GLB1: variants seen among roughly 807,000 people sequenced by gnomAD.
GLB1 encodes the protein beta-galactosidase.
A neutral mutation model predicts 74.0 loss-of-function variants in GLB1; 56 were observed. The observed-to-expected ratio is 0.76, with a 90% CI of 0.61 to 0.94. GLB1 has a LOEUF of 0.94. Ranked by LOEUF, GLB1 falls within the 40% of genes least tolerant of loss-of-function variation. GLB1 has a pLI of 0.00. For synonymous variants in GLB1, 323 were observed against 323.6 expected, an observed-to-expected ratio of 1.00 and a Z score of 0.02; for missense variants, 787 against 845.5, an observed-to-expected ratio of 0.93 and a Z score of 0.86.
chr3:33,029,108 T>C (rs1383795704), intron 10 of GLB1, among the ~76,000 whole-genome samples: 1 of 152,254 alleles, frequency 6.6e-6, no homozygotes, highest in African/African-American at 2.4e-5. Flanking sequence ...TTTTCATTGA[T>C]ACTAGTTTGA....
chr3:32,961,595 T>C, the GLB1 span, among the ~76,000 whole-genome samples: 2 of 152,156 alleles, frequency 1.3e-5, no homozygotes, highest in Non-Finnish European at 2.9e-5. Flanking sequence ...ACAGCTAGCC[T>C]GGAAAACTGC....
downstream of GLB1, among the ~76,000 whole-genome samples, chr3:32,995,433 G>A (rs1255546176): frequency 6.6e-6 from 1 of 152,080 alleles, no homozygotes; most frequent in Admixed American, 6.6e-5. Flanking sequence ...CCTTCGCCCT[G>A]TGATCTGCCC....
intron 10 of GLB1, among the ~76,000 whole-genome samples, chr3:33,029,152 G>C (rs1402311005): frequency 6.6e-6 from 1 of 151,978 alleles, no homozygotes; most frequent in East Asian, 1.9e-4. Flanking sequence ...CTTTACCTTA[G>C]CTAATTAATG....
the GLB1 span, among the ~76,000 whole-genome samples, chr3:32,969,273 A>G: frequency 0.4 from 61,376 of 152,102 alleles, 13,317 homozygotes; most frequent in East Asian, 0.52. Context: ...TCTGGCTAGC[A>G]AAAGGCCAAA....
At chr3:33,013,954 C>T (rs1486666566) in intron 15 of GLB1, 102 bp downstream of exon 15, 4 of 1,589,238 alleles carry the variant, frequency 2.5e-6, no homozygotes, top group Non-Finnish European at 3.4e-6. Flanking sequence ...CACTCAAAAC[C>T]ATCACACGAT....
chr3:33,019,692 T>C (rs1697390640), intron 12 of GLB1, among the ~76,000 whole-genome samples: 1 of 152,158 alleles, frequency 6.6e-6, no homozygotes, highest in Admixed American at 6.5e-5. Context: ...GGTTCATTTA[T>C]TTACTTATTT....
intron 6 of GLB1, among the ~76,000 whole-genome samples, chr3:33,057,020 G>A (rs1024633697): frequency 2.6e-5 from 4 of 152,120 alleles, no homozygotes; most frequent in Admixed American, 6.6e-5. Flanking sequence ...ATCTCATGTC[G>A]AACTATAATC....
At chr3:33,092,828 G>A (rs1220323010) in intron 1 of GLB1, 3 of 1,590,408 alleles carry the variant, frequency 1.9e-6, no homozygotes, top group Non-Finnish European at 2.6e-6. Flanking sequence ...ACAGGGCAGG[G>A]CCAGTTCAGG....
rs1347724737 is a variant in GLB1, at chr3:33,072,620, A to G, written c.169T>C (p.Tyr57His). Reference protein sequence around the residue: ...PFRYISGSIHYSRVPRFYWKD... With the variant: ...PFRYISGSIHHSRVPRFYWKD... ...CAGTAGAAGCGGGGCACACGGGAGT[A>G]GTGAATGCTTCCTGAGATGTAGCGA... is the stretch of plus-strand genomic sequence containing the variant. The change falls in exon 2 of 16, where the codon TAC (tyrosine) becomes CAC (histidine). Residue 57 changes from tyrosine (Y) to histidine (H), a missense_variant. By Grantham distance (83) the Tyr-to-His change is moderately conservative. Coordinates refer to ENST00000307363, the MANE Select transcript of GLB1 (RefSeq NM_000404.4). 2 of 1,614,154 alleles carry G rather than the reference A, an allele frequency of 1.2e-6. No homozygotes were observed. Among genetic ancestry groups the G allele is most frequent in the South Asian group, 2.2e-5 (2 of 91,076 alleles).
intron 10 of GLB1, chr3:33,029,956 GAAAAAAA>G (rs55651344): frequency 7.7e-6 from 1 of 130,226 alleles, no homozygotes; most frequent in Non-Finnish European, 1.6e-5. Flanking sequence ...TAAAAGTTAA[GAAAAAAA>G]AAAAAAAAGA....
intron 5 of GLB1, among the ~76,000 whole-genome samples, chr3:33,060,413 T>C (rs935447889): frequency 4.6e-5 from 7 of 152,240 alleles, no homozygotes; most frequent in African/African-American, 1.7e-4. Context: ...TTGTAAATAC[T>C]GGCAAAGTTC....
At chr3:33,012,699 A>G (rs532147290) in intron 15 of GLB1, among the ~76,000 whole-genome samples, 56 of 152,164 alleles carry the variant, frequency 3.7e-4, no homozygotes, top group Non-Finnish European at 7.8e-4. Flanking sequence ...TCTAAGCCTA[A>G]GTCCCCTTCT....
At chr3:33,085,178 G>A (rs917498693) in intron 1 of GLB1, among the ~76,000 whole-genome samples, 65 of 151,530 alleles carry the variant, frequency 4.3e-4, no homozygotes, top group African/African-American at 1.4e-3. Flanking sequence ...GGAGGCTGAG[G>A]TGGGAGGATT....
At chr3:33,069,875 C>A (rs1216461122) in intron 2 of GLB1, among the ~76,000 whole-genome samples, 1 of 152,032 alleles carries the variant, frequency 6.6e-6, no homozygotes, top group Non-Finnish European at 1.5e-5. Flanking sequence ...AGGTAAATTG[C>A]GTGTCATGGG....
At chr3:33,038,921 T>G (rs1389321153) in intron 10 of GLB1, among the ~76,000 whole-genome samples, 1 of 152,176 alleles carries the variant, frequency 6.6e-6, no homozygotes, top group East Asian at 1.9e-4. Context: ...ATCTCTTTCT[T>G]TTTTGTTTTA....
chr3:33,050,636 G>C lies in GLB1; in HGVS notation c.955+1122C>G, dbSNP rs562600048. Reference sequence around the variant, plus strand: ...TCCAGGGGCTGAGAGGAGGGAGAGTGTGGAATGAATGCTAATGGGTATGGA... The same window carrying C: ...TCCAGGGGCTGAGAGGAGGGAGAGTCTGGAATGAATGCTAATGGGTATGGA... On this transcript the variant is annotated intron_variant, in intron 9 of 15. Coordinates refer to ENST00000307363, the MANE Select transcript of GLB1 (RefSeq NM_000404.4). Among the ~76,000 whole-genome samples, 10 of 152,320 alleles carry C rather than the reference G, an allele frequency of 6.6e-5. No homozygotes were observed. The East Asian group carries it at 1.9e-3, about 29-fold the overall frequency.
chr3:33,064,453 C>CA (rs1338086442), intron 5 of GLB1, among the ~76,000 whole-genome samples: 3 of 136,316 alleles, frequency 2.2e-5, no homozygotes, highest in African/African-American at 5.6e-5. Context: ...AAAAAAAAAA[C>CA]AAAAAACCTT....
rs141615551 is a variant in GLB1 at position 33,039,921 on chromosome 3, T to C, written c.1068+6199A>G. Among the ~76,000 whole-genome samples, 418 of 152,310 alleles carry C rather than the reference T, an allele frequency of 2.7e-3. 5 individuals carry two copies. The highest frequency in any genetic ancestry group is 9.7e-3 in the African/African-American group (402 of 41,566). On this transcript the variant is annotated intron_variant, in intron 10 of 15. Coordinates refer to ENST00000307363, the MANE Select transcript of GLB1 (RefSeq NM_000404.4). ...TCAAAGGAAAACCAGTGACAGGTGA[T>C]TTTTCAAAAGAAATGATGGAGGTCA...
intron 3 of GLB1, 30 bp downstream of exon 3, chr3:33,068,790 C>A: frequency 6.2e-7 from 1 of 1,613,152 alleles, no homozygotes; most frequent in Non-Finnish European, 8.5e-7. Context: ...CTCACACACA[C>A]CAGGTAGAGC....
Sources: gnomAD v4.1 joint callset for allele counts (sites outside exome capture counted in the v4.1 genomes callset) on GRCh38, gnomAD v4.1.1 for gene constraint, MANE v1.5 for transcripts, NCBI Gene and HGNC (gene_info 2026-07-23, HGNC 2026-07-21) for gene names.